Variants in RCAN2 observed in about 807,000 individuals in gnomAD.
The protein encoded by RCAN2 is calcipressin-2.
Under a neutral mutation model 23.6 loss-of-function variants are expected in RCAN2, and 9 were observed. That is an observed-to-expected ratio of 0.38 (90% CI 0.23 to 0.67). The LOEUF (loss-of-function observed/expected upper bound fraction) is 0.67. RCAN2 is among the 30% of genes least tolerant of loss of function. The pLI is 0.51. For missense variants in RCAN2, 273 were observed against 302.3 expected, an observed-to-expected ratio of 0.90 and a Z score of 0.72; for synonymous variants, 109 against 115.7, an observed-to-expected ratio of 0.94 and a Z score of 0.37.
chr6:46,277,428 T>C (rs1767751302), intron 2 of RCAN2, among the ~76,000 whole-genome samples: 1 of 151,936 alleles, frequency 6.6e-6, no homozygotes. Context: ...TTGATAATTA[T>C]GGTAGGAGGA....
intron 4 of RCAN2, among the ~76,000 whole-genome samples, chr6:46,240,805 G>T (rs552862294): frequency 6.6e-6 from 1 of 152,154 alleles, no homozygotes; most frequent in South Asian, 2.1e-4. Context: ...TCCCATTGGG[G>T]AAAACACCAT....
chr6:46,338,437 C>A (rs1764207506), intron 2 of RCAN2, among the ~76,000 whole-genome samples: 1 of 152,172 alleles, frequency 6.6e-6, no homozygotes, highest in Admixed American at 6.5e-5. Context: ...ACACCCCAAC[C>A]CCAACTGCCA....
At chr6:46,321,437 C>T (rs1375556005) in intron 2 of RCAN2, among the ~76,000 whole-genome samples, 3 of 152,202 alleles carry the variant, frequency 2.0e-5, no homozygotes, top group Non-Finnish European at 4.4e-5. Context: ...TCTCAAGTGC[C>T]AAGGGTCTTT....
At chr6:46,465,465 A>G (rs1300093238) in intron 1 of RCAN2, among the ~76,000 whole-genome samples, 1 of 152,192 alleles carries the variant, frequency 6.6e-6, no homozygotes, top group African/African-American at 2.4e-5. Context: ...AGATAGTACA[A>G]AACCCTGGTC....
At chr6:46,385,442 T>C (rs1765715987) in intron 2 of RCAN2, among the ~76,000 whole-genome samples, 1 of 152,100 alleles carries the variant, frequency 6.6e-6, no homozygotes, top group East Asian at 1.9e-4. Flanking sequence ...AAACAAGCAA[T>C]GGGGAAACGT....
At chr6:46,466,417 G>A (rs908765754) in intron 1 of RCAN2, among the ~76,000 whole-genome samples, 1 of 152,108 alleles carries the variant, frequency 6.6e-6, no homozygotes, top group Non-Finnish European at 1.5e-5. Flanking sequence ...GGACTAGAAG[G>A]CTGCCTAGGG....
chr6:46,259,425 G>T (rs1254749625), intron 2 of RCAN2, among the ~76,000 whole-genome samples: 1 of 152,122 alleles, frequency 6.6e-6, no homozygotes. Context: ...AGTATGTACT[G>T]TGCAGTCACA....
chr6:46,421,986 T>C (rs1290505044), intron 2 of RCAN2, among the ~76,000 whole-genome samples: 2 of 152,210 alleles, frequency 1.3e-5, no homozygotes, highest in African/African-American at 4.8e-5. Context: ...AGAAGTGAGC[T>C]ACGTATAGGA....
In RCAN2 at chr6:46,221,888, T is replaced by C. The variant is rs1765486947; in HGVS notation, c.*1253A>G. ...TGTAATGCACTTTGGGCTAGAGAAA[T>C]AGAAAAATCACACGTAACAAAAACA... On this transcript the variant is annotated 3_prime_UTR_variant, in exon 5 of 5. Transcript: ENST00000371374. 1 of 398,350 alleles carries C rather than the reference T, an allele frequency of 2.5e-6. No homozygotes were observed. The highest frequency in any genetic ancestry group is 4.4e-5 in the Admixed American group (1 of 22,708). 24.7% of individuals were successfully genotyped at this position (398,350 alleles called of 1,614,324 possible). A position where few individuals can be genotyped will look rare whatever the true frequency, so the allele number is the denominator to read the frequency against.
intron 2 of RCAN2, among the ~76,000 whole-genome samples, chr6:46,398,982 GTTATAC>G (rs1406960599): frequency 1.3e-5 from 2 of 151,624 alleles, no homozygotes; most frequent in Non-Finnish European, 2.9e-5. Context: ...TTTGTTTTGT[GTTATAC>G]TTATTTAAGG....
chr6:46,330,421 C>T (rs1763931603), intron 2 of RCAN2, among the ~76,000 whole-genome samples: 1 of 152,214 alleles, frequency 6.6e-6, no homozygotes. Context: ...GCAGCAGGTG[C>T]CTGGCATCAT....
chr6:46,244,153 T>A (rs981356472), intron 4 of RCAN2, among the ~76,000 whole-genome samples: 1 of 152,172 alleles, frequency 6.6e-6, no homozygotes, highest in Non-Finnish European at 1.5e-5. Flanking sequence ...GTACATTTAT[T>A]GTGATAAAAG....
chr6:46,236,445 T>A (rs1582014597), intron 4 of RCAN2, among the ~76,000 whole-genome samples: 1 of 152,294 alleles, frequency 6.6e-6, no homozygotes, highest in South Asian at 2.1e-4. Context: ...ATTTTCTTTT[T>A]TTTTTTTTGA....
chr6:46,286,917 A>T (rs764859261), intron 2 of RCAN2, among the ~76,000 whole-genome samples: 1 of 152,054 alleles, frequency 6.6e-6, no homozygotes, highest in Non-Finnish European at 1.5e-5. Context: ...AGGCAGGAGA[A>T]TTGCTTGAAC....
At chr6:46,261,935 G>T (rs1204313976) in intron 2 of RCAN2, among the ~76,000 whole-genome samples, 2 of 152,170 alleles carry the variant, frequency 1.3e-5, no homozygotes, top group African/African-American at 4.8e-5. Flanking sequence ...AGCTCAGAGA[G>T]ACAGTGAGCA....
At chr6:46,269,816 G>A (rs536407338) in intron 2 of RCAN2, among the ~76,000 whole-genome samples, 1 of 152,132 alleles carries the variant, frequency 6.6e-6, no homozygotes. Flanking sequence ...CCCAACAAAG[G>A]TCTCTGCAGA....
intron 2 of RCAN2, among the ~76,000 whole-genome samples, chr6:46,369,337 C>T (rs890283233): frequency 7.2e-5 from 11 of 152,094 alleles, no homozygotes; most frequent in Admixed American, 6.6e-4. Context: ...CACTCTAAAG[C>T]AACAATAAAG....
intron 2 of RCAN2, among the ~76,000 whole-genome samples, chr6:46,412,093 A>G (rs1046882390): frequency 6.6e-6 from 1 of 152,200 alleles, no homozygotes; most frequent in Admixed American, 6.5e-5. Context: ...TTGATCTAAA[A>G]TATTAGTGGT....
chr6:46,454,068 T>G (rs1021627942), intron 2 of RCAN2, among the ~76,000 whole-genome samples: 10 of 152,176 alleles, frequency 6.6e-5, no homozygotes, highest in African/African-American at 2.4e-4. Context: ...CAAGGAGTGC[T>G]GGAAATGCTT....
Sources: gnomAD v4.1 joint callset for allele counts (sites outside exome capture counted in the v4.1 genomes callset) on GRCh38, gnomAD v4.1.1 for gene constraint, MANE v1.5 for transcripts, NCBI Gene and HGNC (gene_info 2026-07-23, HGNC 2026-07-21) for gene names.